PDE1A: variants seen among roughly 807,000 people sequenced by gnomAD.
PDE1A encodes dual specificity calcium/calmodulin-dependent 3',5'-cyclic nucleotide phosphodiesterase 1A.
A neutral mutation model predicts 61.7 loss-of-function variants in PDE1A; 35 were observed. The ratio of observed to expected loss-of-function variants is 0.57; its 90% CI spans 0.43 to 0.75. The LOEUF is 0.75. PDE1A is among the 30% of genes least tolerant of loss of function. The probability of loss-of-function intolerance (pLI) is 0.00; values close to 1 mark genes in which losing one functional copy is unlikely to be tolerated. For missense variants in PDE1A, 597 were observed against 630.6 expected, an observed-to-expected ratio of 0.95 and a Z score of 0.57; for synonymous variants, 232 against 213.2, an observed-to-expected ratio of 1.09 and a Z score of -0.77.
intron 2 of PDE1A, among the ~76,000 whole-genome samples, chr2:182,245,596 G>C (rs1325789777): frequency 1.3e-5 from 2 of 152,004 alleles, no homozygotes; most frequent in African/African-American, 4.8e-5. Context: ...CAGATACTTA[G>C]TATCATATAG....
intron 2 of PDE1A, among the ~76,000 whole-genome samples, chr2:182,256,321 T>G (rs1316932555): frequency 1.4e-5 from 2 of 142,384 alleles, no homozygotes; most frequent in Non-Finnish European, 1.5e-5. Context: ...CACCTATGAG[T>G]GAGAATATGC....
At chr2:182,585,906 T>C in the PDE1A span, among the ~76,000 whole-genome samples, 1 of 152,168 alleles carries the variant, frequency 6.6e-6, no homozygotes, top group African/African-American at 2.4e-5. Context: ...TGAAAGGTGA[T>C]TTGACTTAAA....
intron 10 of PDE1A, among the ~76,000 whole-genome samples, chr2:182,192,355 T>G (rs1205629919): frequency 6.6e-6 from 1 of 152,096 alleles, no homozygotes; most frequent in African/African-American, 2.4e-5. Context: ...CTAAAGTACA[T>G]TAATTATTTA....
the PDE1A span, among the ~76,000 whole-genome samples, chr2:182,637,609 G>A: frequency 6.6e-6 from 1 of 152,200 alleles, no homozygotes; most frequent in East Asian, 1.9e-4. Context: ...TCTTACCAAA[G>A]AATCAGTACT....
chr2:182,693,569 T>C, the PDE1A span, among the ~76,000 whole-genome samples: 1 of 152,082 alleles, frequency 6.6e-6, no homozygotes, highest in Non-Finnish European at 1.5e-5. Context: ...TAGACCCTTA[T>C]CAGACATATG....
At chr2:182,451,327 C>G (rs1224135131) in intron 2 of PDE1A, among the ~76,000 whole-genome samples, 1 of 16,580 alleles carries the variant, frequency 6.0e-5, no homozygotes, top group Admixed American at 5.6e-4. Flanking sequence ...TGCAGTGAGC[C>G]GAGATCCCGC....
intron 2 of PDE1A, among the ~76,000 whole-genome samples, chr2:182,456,094 G>A (rs1443353511): frequency 6.6e-6 from 1 of 152,090 alleles, no homozygotes; most frequent in Non-Finnish European, 1.5e-5. Context: ...TGAACTCAAT[G>A]TGGATGTAAA....
chr2:182,574,080 C>T, the PDE1A span, among the ~76,000 whole-genome samples: 3 of 151,574 alleles, frequency 2.0e-5, no homozygotes, highest in African/African-American at 4.9e-5. Context: ...GAAAGCCAAT[C>T]CAAGTCCCAA....
At chr2:182,303,434 TG>T (rs1695373353) in intron 1 of PDE1A, among the ~76,000 whole-genome samples, 1 of 152,200 alleles carries the variant, frequency 6.6e-6, no homozygotes, top group Non-Finnish European at 1.5e-5. Context: ...TTCCAAGCAA[TG>T]GGTCTCAACA....
chr2:182,712,983 G>A, the PDE1A span, among the ~76,000 whole-genome samples: 1 of 152,084 alleles, frequency 6.6e-6, no homozygotes, highest in East Asian at 1.9e-4. Context: ...GTCCCTGTCT[G>A]CTTTTACATT....
chr2:182,178,730 C>A (rs538678532), intron 13 of PDE1A, among the ~76,000 whole-genome samples: 1 of 152,072 alleles, frequency 6.6e-6, no homozygotes, highest in Non-Finnish European at 1.5e-5. Context: ...AGTATTCAGT[C>A]AACCCCAGTG....
intron 1 of PDE1A, among the ~76,000 whole-genome samples, chr2:182,417,003 TCAA>T (rs1559441529): frequency 6.6e-6 from 1 of 152,296 alleles, no homozygotes; most frequent in East Asian, 1.9e-4. Flanking sequence ...TTTGTCAGTT[TCAA>T]CATCATGCCA....
intron 2 of PDE1A, among the ~76,000 whole-genome samples, chr2:182,498,456 G>C (rs1004878402): frequency 5.3e-5 from 8 of 151,190 alleles, no homozygotes; most frequent in Non-Finnish European, 1.0e-4. Context: ...AAATTGGCAA[G>C]AGGAGAAAAA....
chr2:182,203,638 A>T (rs1237998831), intron 8 of PDE1A, among the ~76,000 whole-genome samples: 2 of 152,174 alleles, frequency 1.3e-5, no homozygotes, highest in Non-Finnish European at 2.9e-5. Context: ...ATGATCAGTA[A>T]ATGCTAGATG....
chr2:182,641,214 G>A, the PDE1A span, among the ~76,000 whole-genome samples: 1 of 152,016 alleles, frequency 6.6e-6, no homozygotes, highest in Non-Finnish European at 1.5e-5. Flanking sequence ...TATGTAAGAG[G>A]AGAAGTGGGA....
intron 1 of PDE1A, among the ~76,000 whole-genome samples, chr2:182,377,153 A>T (rs1054114179): frequency 6.6e-6 from 1 of 152,226 alleles, no homozygotes; most frequent in Admixed American, 6.5e-5. Flanking sequence ...CCCAAATCTC[A>T]TGTCGAATTG....
chr2:182,263,894 G>A (rs1227353126), intron 2 of PDE1A, among the ~76,000 whole-genome samples: 1 of 152,176 alleles, frequency 6.6e-6, no homozygotes, highest in African/African-American at 2.4e-5. Context: ...TCATGAGAAT[G>A]TGTGGGCATA....
chr2:182,511,202 G>A (rs1326867034), intron 2 of PDE1A, among the ~76,000 whole-genome samples: 2 of 151,666 alleles, frequency 1.3e-5, no homozygotes, highest in African/African-American at 2.4e-5. Context: ...GAGTCAAGAT[G>A]GTCAACTAGA....
intron 2 of PDE1A, among the ~76,000 whole-genome samples, chr2:182,479,986 T>A (rs1687607970): frequency 6.6e-6 from 1 of 151,860 alleles, no homozygotes; most frequent in Admixed American, 6.6e-5. Context: ...TAAAATATCA[T>A]AGTACCAATT....
Sources: allele counts gnomAD v4.1 joint callset (sites outside exome capture counted in the v4.1 genomes callset), GRCh38; gene constraint gnomAD v4.1.1; transcripts MANE v1.5; gene names NCBI Gene and HGNC (gene_info 2026-07-23, HGNC 2026-07-21).